PPP2R1B: variants seen among roughly 807,000 people sequenced by gnomAD.
PPP2R1B encodes the protein serine/threonine-protein phosphatase 2A 65 kDa regulatory subunit A beta isoform.
A neutral mutation model predicts 72.7 loss-of-function variants in PPP2R1B; 58 were observed. The observed-to-expected ratio is 0.80, with a 90% CI of 0.65 to 0.99. The LOEUF (loss-of-function observed/expected upper bound fraction) is 0.99, where lower values mean the gene tolerates loss of function less well. PPP2R1B is among the 50% of genes least tolerant of loss of function. PPP2R1B has a pLI of 0.00. For synonymous variants in PPP2R1B, 256 were observed against 264.6 expected (o/e 0.97, Z 0.32); for missense variants, 695 against 733.6 (o/e 0.95, Z 0.61).
chr11:111,762,353 C>G (rs1475258520), intron 3 of PPP2R1B, among the ~76,000 whole-genome samples: 1 of 152,172 alleles, frequency 6.6e-6, no homozygotes, highest in Admixed American at 6.5e-5. Flanking sequence ...CTGTTTCTCA[C>G]TTGCCAATGC....
intron 15 of PPP2R1B, chr11:111,729,886 C>T (rs1479371926): frequency 6.6e-6 from 1 of 152,256 alleles, no homozygotes; most frequent in Non-Finnish European, 1.5e-5. Flanking sequence ...AGTTTAGGCT[C>T]ACCTCAAAGA....
At chr11:111,708,701 A>C in the PPP2R1B span, among the ~76,000 whole-genome samples, 1 of 152,128 alleles carries the variant, frequency 6.6e-6, no homozygotes, top group South Asian at 2.1e-4. Flanking sequence ...CTCCCATCTC[A>C]GCTTCCCAAG....
chr11:111,705,774 T>C, the PPP2R1B span, among the ~76,000 whole-genome samples: 2 of 152,196 alleles, frequency 1.3e-5, no homozygotes, highest in African/African-American at 2.4e-5. The surrounding 1 kb of genome is among the most constrained non-coding windows in gnomAD (Gnocchi z 4.3). Flanking sequence ...AGCTGAAAAA[T>C]GATAAAATTC....
At position 111,740,240 on chromosome 11, in the gene PPP2R1B, T is replaced by C. The variant is rs946308396; in HGVS notation, c.*1356A>G. The C allele has an allele frequency of 3.6e-5, 35 of 981,996 alleles. No individual in the cohort carries two copies. The Admixed American group carries it at 6.1e-4, about 17-fold the overall frequency. 60.8% of individuals were successfully genotyped at this position (981,996 alleles called of 1,614,324 possible). ...GAAAAATAGTTGTTTTTTTTTGAGA[T>C]GGACTCTCGCTCTATGGCCCAGGCT... On this transcript the variant is annotated 3_prime_UTR_variant, in exon 15 of 15. Transcript: ENST00000527614.
the PPP2R1B span, chr11:111,720,107 A>T: frequency 8.9e-7 from 1 of 1,118,068 alleles, no homozygotes; most frequent in East Asian, 2.6e-5. Flanking sequence ...AATTGAGTCG[A>T]TAGCTTATTC....
chr11:111,692,646 G>A, the PPP2R1B span, among the ~76,000 whole-genome samples: 1 of 152,060 alleles, frequency 6.6e-6, no homozygotes, highest in Non-Finnish European at 1.5e-5. Flanking sequence ...ATTTTTATCT[G>A]TAAATTTTAT....
intron 13 of PPP2R1B, 79 bp downstream of exon 13, chr11:111,742,444 A>C (rs1591678692): frequency 6.9e-7 from 1 of 1,455,418 alleles, no homozygotes; most frequent in East Asian, 2.3e-5. Context: ...CCCTGAACTT[A>C]ATTTTAGCTA....
At chr11:111,723,795 C>T (rs377711516), downstream of PPP2R1B, 332 of 1,613,916 alleles carry the variant, frequency 2.1e-4, 6 homozygotes, top group South Asian at 3.2e-3. Flanking sequence ...CCTCTGCCCA[C>T]GCAGCTACAG....
chr11:111,739,024 C>A lies in PPP2R1B; in HGVS notation c.*2572G>T. The A allele has an allele frequency of 1.0e-6, 1 of 985,192 alleles. No homozygotes were observed. Among genetic ancestry groups the A allele is most frequent in the Non-Finnish European group, 1.2e-6 (1 of 829,912 alleles). 61.0% of individuals were successfully genotyped at this position (985,192 alleles called of 1,614,324 possible). A position where few individuals can be genotyped will look rare whatever the true frequency, so the allele number is the denominator to read the frequency against. On this transcript the variant is annotated 3_prime_UTR_variant, in exon 15 of 15. Transcript: ENST00000527614. ...AGCAATCAGACAAATCCACACAGAACTGTAGTCTAAGCCAGGGGACCAGAA... is the reference window on the plus strand; with the variant it reads ...AGCAATCAGACAAATCCACACAGAAATGTAGTCTAAGCCAGGGGACCAGAA...
At position 111,739,237 on chromosome 11, in the gene PPP2R1B, C is replaced by T. The variant is rs1036692257; in HGVS notation, c.*2359G>A. 2.1e-6 allele frequency: 2 copies of T among 971,980 alleles called. No individual in the cohort carries two copies. The highest frequency in any genetic ancestry group is 1.8e-5 in the African/African-American group (1 of 56,938). 60.2% of individuals were successfully genotyped at this position (971,980 alleles called of 1,614,324 possible). Reference sequence around the variant, plus strand: ...CACCAGACACTGTTCCAGGCACTGGCGATACAGTAGAAGATAAAACAGACA... The same window carrying T: ...CACCAGACACTGTTCCAGGCACTGGTGATACAGTAGAAGATAAAACAGACA... On this transcript the variant is annotated 3_prime_UTR_variant, in exon 15 of 15. Transcript: ENST00000527614.
At chr11:111,722,650 T>A (rs761133659), downstream of PPP2R1B, 34 of 1,611,982 alleles carry the variant, frequency 2.1e-5, no homozygotes, top group East Asian at 7.6e-4. The surrounding 1 kb of genome is among the most constrained non-coding windows in gnomAD (Gnocchi z 4.4). Flanking sequence ...TCATGTTGTT[T>A]TTCTGCTCTT....
chr11:111,706,937 G>A, the PPP2R1B span, among the ~76,000 whole-genome samples: 1 of 148,474 alleles, frequency 6.7e-6, no homozygotes, highest in Non-Finnish European at 1.5e-5. Context: ...TCCAGCCTGG[G>A]TGACAGAGCA....
At chr11:111,712,645 T>C in the PPP2R1B span, among the ~76,000 whole-genome samples, 1 of 152,214 alleles carries the variant, frequency 6.6e-6, no homozygotes, top group Non-Finnish European at 1.5e-5. Flanking sequence ...TAATTCCTTC[T>C]CTCTTCAAGT....
At chr11:111,735,006 A>G (rs1452786690), downstream of PPP2R1B, among the ~76,000 whole-genome samples, 2 of 152,228 alleles carry the variant, frequency 1.3e-5, no homozygotes, top group Non-Finnish European at 2.9e-5. Flanking sequence ...AGAGACCCGC[A>G]TCGAAAGGCA....
chr11:111,730,924 T>TTA (rs1465651170), intron 15 of PPP2R1B: 1 of 152,176 alleles, frequency 6.6e-6, no homozygotes, highest in East Asian at 1.9e-4. Flanking sequence ...GGTGGAATTT[T>TTA]TAGAGTATGG....
chr11:111,741,893 G>C (rs888868669), intron 14 of PPP2R1B, 160 bp downstream of exon 14: 15 of 794,144 alleles, frequency 1.9e-5, no homozygotes, highest in Admixed American at 3.9e-5. Flanking sequence ...GGTGGGCCAA[G>C]AGGGTTCTAA....
At chr11:111,693,137 T>C in the PPP2R1B span, among the ~76,000 whole-genome samples, 1 of 151,800 alleles carries the variant, frequency 6.6e-6, no homozygotes, top group African/African-American at 2.4e-5. Flanking sequence ...TTCGAGACCA[T>C]CCTGGCCAAC....
chr11:111,705,266 C>T, the PPP2R1B span: 2 of 928,760 alleles, frequency 2.2e-6, no homozygotes, highest in East Asian at 3.3e-5. The surrounding 1 kb of genome is among the most constrained non-coding windows in gnomAD (Gnocchi z 4.3). Context: ...AAATTTCTGC[C>T]TGCCATTCAC....
the PPP2R1B span, among the ~76,000 whole-genome samples, chr11:111,717,781 T>C: frequency 1.3e-5 from 2 of 152,220 alleles, no homozygotes; most frequent in African/African-American, 4.8e-5. Flanking sequence ...AATGAGATCA[T>C]GTCCTTTGCA....
Sources: allele counts gnomAD v4.1 joint callset (sites outside exome capture counted in the v4.1 genomes callset), GRCh38; gene constraint gnomAD v4.1.1; non-coding constraint Gnocchi (gnomAD v3.1); transcripts MANE v1.5; gene names NCBI Gene and HGNC (gene_info 2026-07-23, HGNC 2026-07-21).